NEGR1: variants seen among roughly 807,000 people sequenced by gnomAD.
NEGR1 encodes IgLON family member 4.
NEGR1 carries 10 observed loss-of-function variants against 40.9 expected under a neutral mutation model. That is an observed-to-expected ratio of 0.24 (90% CI 0.15 to 0.42). The LOEUF (loss-of-function observed/expected upper bound fraction) is 0.42, where lower values mean the gene tolerates loss of function less well. NEGR1 is among the 10% of genes least tolerant of loss of function. NEGR1 has a pLI of 1.00. For missense variants in NEGR1, 352 were observed against 438.9 expected, an observed-to-expected ratio of 0.80 and a Z score of 1.77; for synonymous variants, 185 against 166.8, an observed-to-expected ratio of 1.11 and a Z score of -0.84.
chr1:71,833,721 T>C (rs1429011041), intron 2 of NEGR1, among the ~76,000 whole-genome samples: 2 of 152,044 alleles, frequency 1.3e-5, no homozygotes, highest in Non-Finnish European at 2.9e-5. Context: ...ATTTATATTG[T>C]GTTTTCTATA....
intron 6 of NEGR1, among the ~76,000 whole-genome samples, chr1:71,550,705 T>G (rs72940323): frequency 0.046 from 7,041 of 151,722 alleles, 556 homozygotes; most frequent in African/African-American, 0.16. Context: ...ATTCTGTTCC[T>G]TATCTAAATC....
intron 3 of NEGR1, among the ~76,000 whole-genome samples, chr1:71,762,929 A>G (rs923825693): frequency 6.6e-6 from 1 of 152,170 alleles, no homozygotes; most frequent in Non-Finnish European, 1.5e-5. Flanking sequence ...TTGACCTGCC[A>G]TAAAAGAATT....
chr1:72,142,166 C>T (rs76255785), intron 1 of NEGR1, among the ~76,000 whole-genome samples: 29 of 151,940 alleles, frequency 1.9e-4, no homozygotes, highest in African/African-American at 6.5e-4. Flanking sequence ...TCCATGCCCT[C>T]CTGACCAAGG....
At chr1:72,009,652 T>C (rs1646639590) in intron 1 of NEGR1, among the ~76,000 whole-genome samples, 2 of 152,116 alleles carry the variant, frequency 1.3e-5, no homozygotes, top group South Asian at 2.1e-4. Context: ...ACCTAAAGGA[T>C]TATCCATTCA....
intron 1 of NEGR1, among the ~76,000 whole-genome samples, chr1:72,120,147 A>T (rs1649741882): frequency 6.6e-6 from 1 of 152,016 alleles, no homozygotes. Flanking sequence ...AGTCTATGTC[A>T]GTGAACCTTT....
In NEGR1 at chr1:71,397,615, G is replaced by C. The variant is rs929662763; in HGVS notation, c.*9831C>G. On this transcript the variant is annotated 3_prime_UTR_variant, in exon 7 of 7. Transcript: ENST00000357731. ...GTGCTGAGATTACAAGCATGAGCCA[G>C]TGCACCTGGCTGGCATTCAGTTTTA... 3.3e-5 allele frequency: 5 copies of C among 152,182 alleles called. No individual in the cohort carries two copies. The highest frequency in any genetic ancestry group is 1.2e-4 in the African/African-American group (5 of 41,454). The allele number at this position is 152,182 out of a possible 1,614,324, so 9.4% of individuals were successfully genotyped here.
chr1:71,644,373 C>T (rs1193530256), intron 4 of NEGR1, among the ~76,000 whole-genome samples: 1 of 151,938 alleles, frequency 6.6e-6, no homozygotes, highest in Non-Finnish European at 1.5e-5. Context: ...TTCCTAAAAC[C>T]CAATCTCTCT....
At chr1:71,458,065 G>A (rs1646686886) in intron 6 of NEGR1, among the ~76,000 whole-genome samples, 1 of 152,130 alleles carries the variant, frequency 6.6e-6, no homozygotes, top group Non-Finnish European at 1.5e-5. Context: ...AAATCACACA[G>A]ATATACAAGT....
chr1:71,537,721 C>A (rs1647554746), intron 6 of NEGR1, among the ~76,000 whole-genome samples: 1 of 151,656 alleles, frequency 6.6e-6, no homozygotes, highest in South Asian at 2.1e-4. Flanking sequence ...AACTTGTAAA[C>A]CCTTATTCTG....
At chr1:72,068,355 T>C (rs748656013) in intron 1 of NEGR1, among the ~76,000 whole-genome samples, 4 of 152,156 alleles carry the variant, frequency 2.6e-5, no homozygotes, top group Admixed American at 6.6e-5. Context: ...CATCCCTTCA[T>C]TGCAAGATCC....
At chr1:72,071,217 T>A (rs1469854365) in intron 1 of NEGR1, among the ~76,000 whole-genome samples, 3 of 151,990 alleles carry the variant, frequency 2.0e-5, no homozygotes. Context: ...AATATTCTAT[T>A]AGACTAAGAT....
intron 1 of NEGR1, among the ~76,000 whole-genome samples, chr1:72,126,233 T>C (rs1403635361): frequency 6.6e-6 from 1 of 152,008 alleles, no homozygotes; most frequent in Admixed American, 6.6e-5. Flanking sequence ...ACTATTTCTA[T>C]ATTATTCCCT....
intron 4 of NEGR1, among the ~76,000 whole-genome samples, chr1:71,630,485 T>TG (rs1650936676): frequency 6.6e-6 from 1 of 151,986 alleles, no homozygotes; most frequent in Admixed American, 6.6e-5. Context: ...GACAAGATGA[T>TG]GCTCCCCATT....
chr1:71,780,500 T>C (rs1375855461), intron 2 of NEGR1, among the ~76,000 whole-genome samples: 2 of 152,206 alleles, frequency 1.3e-5, no homozygotes, highest in Non-Finnish European at 2.9e-5. Context: ...TGTTCATAAT[T>C]AATTGTTGTG....
chr1:72,259,937 T>C (rs1655402005), intron 1 of NEGR1, among the ~76,000 whole-genome samples: 1 of 152,124 alleles, frequency 6.6e-6, no homozygotes, highest in African/African-American at 2.4e-5. Flanking sequence ...TTTTATCAGA[T>C]GATTTTTGTT....
At chr1:71,936,717 C>T (rs1226658226) in intron 1 of NEGR1, among the ~76,000 whole-genome samples, 1 of 152,060 alleles carries the variant, frequency 6.6e-6, no homozygotes, top group Non-Finnish European at 1.5e-5. Flanking sequence ...TGATGACAAG[C>T]GTAATGACAA....
chr1:71,690,565 A>AACACACACAC (rs3980432), intron 4 of NEGR1, among the ~76,000 whole-genome samples: 53 of 119,272 alleles, frequency 4.4e-4, no homozygotes, highest in African/African-American at 1.7e-3. Context: ...TAAGTTATAT[A>AACACACACAC]ACACACACAC....
intron 1 of NEGR1, among the ~76,000 whole-genome samples, chr1:72,013,829 A>C (rs1646682666): frequency 9.9e-6 from 1 of 100,508 alleles, no homozygotes. Flanking sequence ...TACTTAATTA[A>C]AAAAAAAAAA....
At chr1:71,597,074 T>C (rs1649736548) in intron 5 of NEGR1, among the ~76,000 whole-genome samples, 1 of 152,174 alleles carries the variant, frequency 6.6e-6, no homozygotes, top group African/African-American at 2.4e-5. Context: ...GGAATGTTAA[T>C]GTCAGCAATA....
Sources: gnomAD v4.1 joint callset for allele counts (sites outside exome capture counted in the v4.1 genomes callset) on GRCh38, gnomAD v4.1.1 for gene constraint, MANE v1.5 for transcripts, NCBI Gene and HGNC (gene_info 2026-07-23, HGNC 2026-07-21) for gene names.